PCBP3: variants seen among roughly 807,000 people sequenced by gnomAD.
PCBP3 encodes the protein poly(rC)-binding protein 3.
PCBP3 carries 25 observed loss-of-function variants against 52.7 expected under a neutral mutation model. The observed-to-expected ratio is 0.47, with a 90% CI of 0.35 to 0.66. The LOEUF is 0.66. Ranked by LOEUF, PCBP3 falls within the 30% of genes least tolerant of loss-of-function variation. PCBP3 has a pLI of 0.01. For missense variants in PCBP3, 391 were observed against 490.3 expected, an observed-to-expected ratio of 0.80 and a Z score of 1.91; for synonymous variants, 162 against 183.0, an observed-to-expected ratio of 0.89 and a Z score of 0.93.
chr21:45,938,596 G>A (rs2077125193), intron 16 of PCBP3, among the ~76,000 whole-genome samples: 1 of 152,242 alleles, frequency 6.6e-6, no homozygotes, highest in Admixed American at 6.5e-5. Context: ...AGCAGGGAGA[G>A]GGCTGGACTG....
At chr21:45,742,829 T>C (rs2086552613) in intron 3 of PCBP3, among the ~76,000 whole-genome samples, 2 of 152,212 alleles carry the variant, frequency 1.3e-5, no homozygotes, top group African/African-American at 2.4e-5. Flanking sequence ...TTTTAATTAT[T>C]TTAGTTTCAC....
chr21:45,652,643 A>G (rs1253608812), intron 1 of PCBP3, among the ~76,000 whole-genome samples: 11 of 151,960 alleles, frequency 7.2e-5, no homozygotes, highest in Non-Finnish European at 4.4e-5. Context: ...GGGTTTCACC[A>G]TGTTGGCCAG....
Position 45,850,106 on chromosome 21 carries a change from G to C in PCBP3, c.10+11G>C, listed in dbSNP as rs971443464. 3 of 1,549,222 alleles carry C rather than the reference G, an allele frequency of 1.9e-6. No individual in the cohort carries two copies. In the African/African-American group the frequency reaches 4.1e-5, roughly 21 times the overall value. ...TGCTTATGGGGGAAGGTGAGTTACT[G>C]TCTTTTGTTTCCATGTTTGTTTGTT... On this transcript the variant is annotated intron_variant, in intron 5 of 17. Coordinates refer to ENST00000681687, the MANE Select transcript of PCBP3 (RefSeq NM_001384156.1).
chr21:45,762,371 A>C (rs564316030), intron 4 of PCBP3: 1 of 152,272 alleles, frequency 6.6e-6, no homozygotes, highest in Non-Finnish European at 1.5e-5. Context: ...TGCATGTCCC[A>C]GTCTCGGGTG....
chr21:45,773,099 A>G (rs936788773), intron 4 of PCBP3, among the ~76,000 whole-genome samples: 2 of 151,942 alleles, frequency 1.3e-5, no homozygotes, highest in South Asian at 2.1e-4. Context: ...CCATTTGTCT[A>G]TTTTTGTTTT....
intron 2 of PCBP3, among the ~76,000 whole-genome samples, chr21:45,691,569 A>G (rs565084692): frequency 3.5e-3 from 533 of 151,732 alleles, no homozygotes; most frequent in Non-Finnish European, 6.2e-3. Flanking sequence ...TCTGCCCTCA[A>G]TTAGAATACA....
chr21:45,852,796 G>A (rs1050221180), intron 5 of PCBP3, among the ~76,000 whole-genome samples: 3 of 152,098 alleles, frequency 2.0e-5, no homozygotes, highest in Non-Finnish European at 4.4e-5. Flanking sequence ...GACTTGTCTA[G>A]TGAGATCTGA....
Position 45,917,240 on chromosome 21 carries a change from A to T in PCBP3, c.676-348A>T, listed in dbSNP as rs2073607500. Reference sequence around the variant, plus strand: ...AGTATTTACTCAGATGACTGATTAAATTTTCAAAACCGTAATAATTAGTGG... The same window carrying T: ...AGTATTTACTCAGATGACTGATTAATTTTTCAAAACCGTAATAATTAGTGG... On this transcript the variant is annotated intron_variant, in intron 12 of 17. Transcript: ENST00000681687. This position sits in a 1 kb window ranked among gnomAD's most constrained non-coding sequence, Gnocchi z 5.3. 1 of 251,502 alleles carries T rather than the reference A, an allele frequency of 4.0e-6. No individual in the cohort carries two copies. Among genetic ancestry groups the T allele is most frequent in the Non-Finnish European group, 7.4e-6 (1 of 134,358 alleles). The allele number at this position is 251,502 out of a possible 1,614,324, so 15.6% of individuals were successfully genotyped here.
intron 4 of PCBP3, chr21:45,848,511 A>G (rs569695954): frequency 1.3e-5 from 2 of 152,456 alleles, no homozygotes; most frequent in African/African-American, 4.8e-5. Flanking sequence ...GCCTGGATGG[A>G]TCAGCCTTCT....
At chr21:45,649,500 C>T (rs2079542803) in intron 1 of PCBP3, among the ~76,000 whole-genome samples, 1 of 152,084 alleles carries the variant, frequency 6.6e-6, no homozygotes, top group Admixed American at 6.5e-5. Flanking sequence ...AATTCATAAC[C>T]AATTGTACCA....
chr21:45,674,592 T>A (rs1374140049), intron 2 of PCBP3, among the ~76,000 whole-genome samples: 1 of 152,228 alleles, frequency 6.6e-6, no homozygotes, highest in Non-Finnish European at 1.5e-5. Flanking sequence ...CAAATAATAA[T>A]GAAGTAGGTT....
At chr21:45,689,435 C>G (rs1031570431) in intron 2 of PCBP3, among the ~76,000 whole-genome samples, 1 of 152,030 alleles carries the variant, frequency 6.6e-6, no homozygotes. Flanking sequence ...GGAACTTCTT[C>G]AAGCTAACAG....
chr21:45,675,666 G>A (rs749101800), intron 2 of PCBP3, among the ~76,000 whole-genome samples: 15 of 152,186 alleles, frequency 9.9e-5, no homozygotes, highest in Non-Finnish European at 1.5e-4. Flanking sequence ...CAGTAAGCCT[G>A]TAAAATCTCC....
At chr21:45,899,741 G>T in intron 7 of PCBP3, 119 bp downstream of exon 7, 1 of 733,100 alleles carries the variant, frequency 1.4e-6, no homozygotes, top group South Asian at 1.6e-5. Context: ...TTGGTGGGTG[G>T]TCTGTGTTCC....
chr21:45,646,087 C>CTCTCTCTCTCTCTCTT (rs2079256073), intron 1 of PCBP3, among the ~76,000 whole-genome samples: 13 of 84,688 alleles, frequency 1.5e-4, no homozygotes, highest in African/African-American at 2.8e-4. Flanking sequence ...CTCTCTTTCT[C>CTCTCTCTCTCTCTCTT]TCTCTCTCTC....
At chr21:45,874,137 ATT>A (rs2095153983) in intron 5 of PCBP3, among the ~76,000 whole-genome samples, 1 of 152,092 alleles carries the variant, frequency 6.6e-6, no homozygotes, top group Non-Finnish European at 1.5e-5. Flanking sequence ...CCGCTTGTCT[ATT>A]CTTATGCCAC....
chr21:45,776,190 A>G (rs553633024), intron 4 of PCBP3, among the ~76,000 whole-genome samples: 180 of 152,274 alleles, frequency 1.2e-3, no homozygotes, highest in Non-Finnish European at 2.1e-3. Flanking sequence ...TAGTTGATAT[A>G]TGATTTTTAA....
chr21:45,825,738 TTGTC>T (rs1276723511), intron 4 of PCBP3, among the ~76,000 whole-genome samples: 1 of 152,146 alleles, frequency 6.6e-6, no homozygotes, highest in Non-Finnish European at 1.5e-5. Context: ...ACTCCTCACT[TTGTC>T]TGGGGAGGGG....
chr21:45,650,922 GGGTGGTA>G (rs1365162854), intron 1 of PCBP3, among the ~76,000 whole-genome samples: 2 of 152,162 alleles, frequency 1.3e-5, no homozygotes, highest in African/African-American at 4.8e-5. Flanking sequence ...AGATGGGGCG[GGGTGGTA>G]GAATCTTCCT....
Sources: allele counts gnomAD v4.1 joint callset (sites outside exome capture counted in the v4.1 genomes callset), GRCh38; gene constraint gnomAD v4.1.1; non-coding constraint Gnocchi (gnomAD v3.1); transcripts MANE v1.5; gene names NCBI Gene and HGNC (gene_info 2026-07-23, HGNC 2026-07-21).